VPS13B: variants seen among roughly 807,000 people sequenced by gnomAD.
VPS13B encodes vacuolar protein sorting 13 homolog B.
In VPS13B, 285 loss-of-function variants were observed where a neutral mutation model predicts 426.4. That is an observed-to-expected ratio of 0.67 (90% CI 0.61 to 0.74). The LOEUF is 0.74. Ranked by LOEUF, VPS13B falls within the 30% of genes least tolerant of loss-of-function variation. The pLI, the probability that VPS13B is intolerant of heterozygous loss-of-function variation, is 0.00. For missense variants in VPS13B, 4,537 were observed against 4,782.6 expected, an observed-to-expected ratio of 0.95 and a Z score of 1.51; for synonymous variants, 1,676 against 1,676.4, an observed-to-expected ratio of 1.00 and a Z score of 0.01.
chr8:99,594,214 TG>T (rs1486789051), intron 33 of VPS13B, among the ~76,000 whole-genome samples: 1 of 151,928 alleles, frequency 6.6e-6, no homozygotes, highest in African/African-American at 2.4e-5. Flanking sequence ...GAAAACATAG[TG>T]GTCAAGAACT....
intron 30 of VPS13B, among the ~76,000 whole-genome samples, chr8:99,531,975 TATAAC>T (rs1822959599): frequency 6.6e-6 from 1 of 152,166 alleles, no homozygotes; most frequent in East Asian, 1.9e-4. Flanking sequence ...TTTCATTTGT[TATAAC>T]AGAACTTTAA....
chr8:99,847,222 T>A (rs1023069196), intron 54 of VPS13B, among the ~76,000 whole-genome samples: 1 of 152,196 alleles, frequency 6.6e-6, no homozygotes, highest in African/African-American at 2.4e-5. Flanking sequence ...TGCAAAACAG[T>A]CCATTTGGGA....
chr8:99,485,964 T>C (rs1820279521), intron 25 of VPS13B, among the ~76,000 whole-genome samples: 1 of 152,180 alleles, frequency 6.6e-6, no homozygotes, highest in Admixed American at 6.5e-5. Flanking sequence ...ATCTGCTGAC[T>C]CTCCCTTTTT....
chr8:99,572,600 A>T (rs922596349), intron 31 of VPS13B, among the ~76,000 whole-genome samples: 26 of 152,202 alleles, frequency 1.7e-4, no homozygotes, highest in South Asian at 6.2e-4. Flanking sequence ...GATGGTTTCC[A>T]GCTTCATCCA....
chr8:99,820,224 A>G (rs1814283587), intron 49 of VPS13B, 102 bp downstream of exon 49: 1 of 1,198,630 alleles, frequency 8.3e-7, no homozygotes, highest in Non-Finnish European at 1.2e-6. Flanking sequence ...CAGTTGTGAA[A>G]AATTCTTCTT....
intron 34 of VPS13B, among the ~76,000 whole-genome samples, chr8:99,649,197 T>C (rs1414329547): frequency 6.6e-6 from 1 of 152,128 alleles, no homozygotes; most frequent in Non-Finnish European, 1.5e-5. Flanking sequence ...CTGGACTTGG[T>C]TTCTTTGATT....
intron 22 of VPS13B, 28 bp from the exon 23 acceptor site, chr8:99,442,373 A>G (rs747736554): frequency 2.6e-5 from 42 of 1,597,634 alleles, no homozygotes; most frequent in East Asian, 1.8e-4. Context: ...TCTAATCCGA[A>G]TATTTTAATT....
intron 39 of VPS13B, among the ~76,000 whole-genome samples, chr8:99,733,695 AT>A (rs1393265776): frequency 2.0e-5 from 3 of 152,108 alleles, no homozygotes; most frequent in Non-Finnish European, 2.9e-5. Flanking sequence ...AAAAAAATTT[AT>A]TTTTGTCAAG....
chr8:99,606,498 CAAAAA>C (rs370527702), intron 33 of VPS13B, among the ~76,000 whole-genome samples: 12 of 74,342 alleles, frequency 1.6e-4, no homozygotes, highest in African/African-American at 5.2e-4. Flanking sequence ...GACTCAGTTT[CAAAAA>C]AAAAAAAAAA....
At chr8:99,366,660 T>C (rs984621051) in intron 19 of VPS13B, among the ~76,000 whole-genome samples, 1 of 151,980 alleles carries the variant, frequency 6.6e-6, no homozygotes, top group African/African-American at 2.4e-5. Context: ...TCAATTGTGG[T>C]CTTCCTTCTT....
At chr8:99,829,802 A>T (rs559079327) in intron 51 of VPS13B, among the ~76,000 whole-genome samples, 1 of 152,104 alleles carries the variant, frequency 6.6e-6, no homozygotes, top group Admixed American at 6.5e-5. Flanking sequence ...CTTTTTGTTG[A>T]TGTTGATGCT....
chr8:99,574,091 G>T (rs1244897026), intron 31 of VPS13B, among the ~76,000 whole-genome samples: 2 of 152,094 alleles, frequency 1.3e-5, no homozygotes, highest in South Asian at 2.1e-4. Flanking sequence ...TCATGATTTG[G>T]CTCTCTGTTT....
rs530706596 is a variant in VPS13B, at chr8:99,853,338, G to A, written c.10062-113G>A. The A allele has an allele frequency of 1.4e-4, 146 of 1,070,630 alleles. No individual in the cohort carries two copies. The African/African-American group carries it at 2.2e-3, about 16-fold the overall frequency. 66.3% of individuals were successfully genotyped at this position (1,070,630 alleles called of 1,614,324 possible). On this transcript the variant is annotated intron_variant, in intron 55 of 61. Transcript: ENST00000357162. ...TTGAGTTCTTATTTGTTTCTTATGA[G>A]AATCTGATGTCCCATCAGGAGGTAT...
intron 24 of VPS13B, among the ~76,000 whole-genome samples, chr8:99,471,439 A>C (rs555657362): frequency 5.9e-5 from 9 of 152,148 alleles, no homozygotes; most frequent in African/African-American, 2.2e-4. Flanking sequence ...TACAATATAA[A>C]CTCTTAAGTA....
At chr8:99,277,368 C>T (rs1818951710) in intron 19 of VPS13B, among the ~76,000 whole-genome samples, 1 of 152,080 alleles carries the variant, frequency 6.6e-6, no homozygotes, top group South Asian at 2.1e-4. Context: ...CTGCCACCCA[C>T]ATTCATGGCT....
At chr8:99,213,057 T>G (rs560267195) in intron 17 of VPS13B, among the ~76,000 whole-genome samples, 1 of 152,336 alleles carries the variant, frequency 6.6e-6, no homozygotes, top group South Asian at 2.1e-4. Flanking sequence ...GATTAATATA[T>G]CAGCTTAGTT....
At chr8:99,258,897 T>C (rs1000307265) in intron 17 of VPS13B, among the ~76,000 whole-genome samples, 2 of 152,116 alleles carry the variant, frequency 1.3e-5, no homozygotes, top group East Asian at 3.8e-4. Flanking sequence ...GTAGAGTTTT[T>C]ACTAGAGTAA....
chr8:99,101,526 G>C (rs1485031499), intron 4 of VPS13B, among the ~76,000 whole-genome samples: 1 of 152,104 alleles, frequency 6.6e-6, no homozygotes, highest in Non-Finnish European at 1.5e-5. Flanking sequence ...TTCTTTTGGA[G>C]GTCTCATTTA....
In VPS13B at chr8:99,818,486, G is replaced by A. The variant is rs386834112; in HGVS notation, c.8397G>A (p.Trp2799Ter). The change falls in exon 46 of 62, where the codon TGG (tryptophan) becomes TGA (stop). Residue 2799 changes from tryptophan to a stop codon, truncating the protein, a stop_gained. Coordinates refer to ENST00000357162, the MANE Select transcript of VPS13B (RefSeq NM_152564.5). LOFTEE classifies it high-confidence loss of function. ...CAAACAGTTCCATTATTTATGTCTG[G>A]TGCACAGTTTTGACTTTAGAACCCA... ...PSSNSSIIYV[W>*]CTVLTLEPNS... The A allele has an allele frequency of 8.7e-6, 14 of 1,613,782 alleles. No homozygotes were observed. Among genetic ancestry groups the A allele is most frequent in the Non-Finnish European group, 1.2e-5 (14 of 1,179,948 alleles).
Sources: allele counts gnomAD v4.1 joint callset (sites outside exome capture counted in the v4.1 genomes callset), GRCh38; gene constraint gnomAD v4.1.1; transcripts MANE v1.5; gene names NCBI Gene and HGNC (gene_info 2026-07-23, HGNC 2026-07-21).